The following PIK3C3 variants were observed in gnomAD, a reference collection of about 807,000 sequenced individuals.
PIK3C3 encodes the protein phosphatidylinositol 3-kinase catalytic subunit type 3, also known as PI3-kinase type 3.
In PIK3C3, 95 loss-of-function variants were observed where a neutral mutation model predicts 126.1. The observed-to-expected ratio is 0.75, with a 90% CI of 0.64 to 0.89. The LOEUF (loss-of-function observed/expected upper bound fraction) is 0.89, where lower values mean the gene tolerates loss of function less well. Among genes scored for constraint, PIK3C3 ranks in the 40% least tolerant of loss-of-function variants. The pLI is 0.00. For synonymous variants in PIK3C3, 374 were observed against 360.0 expected, an observed-to-expected ratio of 1.04 and a Z score of -0.44; for missense variants, 829 against 1,063.2, an observed-to-expected ratio of 0.78 and a Z score of 3.06.
intron 1 of PIK3C3, among the ~76,000 whole-genome samples, chr18:41,956,618 GCTT>G (rs1248548866): frequency 8.2e-6 from 1 of 121,590 alleles, no homozygotes; most frequent in African/African-American, 3.3e-5. Context: ...ATGACGTTCT[GCTT>G]CTTTTGCTTC....
intron 12 of PIK3C3, among the ~76,000 whole-genome samples, chr18:42,019,783 T>A (rs1423686159): frequency 6.6e-6 from 1 of 152,166 alleles, no homozygotes; most frequent in Admixed American, 6.6e-5. Flanking sequence ...ACAGGCATTT[T>A]GAACTTAATA....
At chr18:41,974,191 T>G (rs1980804177) in intron 4 of PIK3C3, among the ~76,000 whole-genome samples, 1 of 152,062 alleles carries the variant, frequency 6.6e-6, no homozygotes, top group African/African-American at 2.4e-5. Flanking sequence ...GAAAAGACGG[T>G]GTTAGATAAT....
chr18:42,052,360 G>C (rs1984844220), intron 21 of PIK3C3, among the ~76,000 whole-genome samples: 2 of 152,096 alleles, frequency 1.3e-5, no homozygotes, highest in South Asian at 4.1e-4. Context: ...TCAAAACCAA[G>C]ATTTTACCCT....
At chr18:41,988,450 G>A (rs1004993017) in intron 5 of PIK3C3, among the ~76,000 whole-genome samples, 13 of 152,080 alleles carry the variant, frequency 8.5e-5, no homozygotes, top group African/African-American at 3.1e-4. Flanking sequence ...AACAAGAATA[G>A]TTTACTTTTT....
intron 4 of PIK3C3, among the ~76,000 whole-genome samples, chr18:41,973,074 T>G (rs971891081): frequency 6.6e-6 from 1 of 152,114 alleles, no homozygotes; most frequent in Non-Finnish European, 1.5e-5. Context: ...CATGTAGCTC[T>G]TTAATTGATT....
In PIK3C3 at chr18:42,062,756, G is replaced by A. The variant is rs143383925; in HGVS notation, c.2433-1984G>A. ...GACATCTCTACTAAAAATCTAGTAG[G>A]CACCTCAGACTCCACATGTCTAAAA... On this transcript the variant is annotated intron_variant, in intron 22 of 24. Transcript: ENST00000262039. Among the ~76,000 whole-genome samples, 17 of 151,956 alleles carry A rather than the reference G, an allele frequency of 1.1e-4. No individual in the cohort carries two copies. The East Asian group carries it at 3.3e-3, about 29-fold the overall frequency.
intron 18 of PIK3C3, among the ~76,000 whole-genome samples, chr18:42,040,461 A>C (rs1210553284): frequency 6.6e-6 from 1 of 152,140 alleles, no homozygotes; most frequent in Non-Finnish European, 1.5e-5. Context: ...AGAGAAACAT[A>C]CAGACTAAAT....
intron 21 of PIK3C3, among the ~76,000 whole-genome samples, chr18:42,053,505 C>T (rs1197029608): frequency 1.3e-5 from 2 of 152,112 alleles, no homozygotes; most frequent in African/African-American, 4.8e-5. Context: ...CTTATTAGTG[C>T]ATTACTATTG....
intron 8 of PIK3C3, 107 bp from the exon 9 acceptor site, chr18:41,996,530 TA>T (rs1157208080): frequency 2.0e-6 from 1 of 491,692 alleles, no homozygotes; most frequent in African/African-American, 2.0e-5. Context: ...GCTTGTGTAA[TA>T]ATTGTAGTAT....
At chr18:41,961,239 T>G (rs1049584863) in intron 2 of PIK3C3, among the ~76,000 whole-genome samples, 3 of 152,204 alleles carry the variant, frequency 2.0e-5, no homozygotes, top group African/African-American at 7.2e-5. Context: ...AAACATTATT[T>G]TGGATGTTAT....
At chr18:41,996,392 T>G (rs1568127715) in intron 8 of PIK3C3, among the ~76,000 whole-genome samples, 2 of 152,320 alleles carry the variant, frequency 1.3e-5, no homozygotes, top group South Asian at 2.1e-4. Context: ...TTGAATTAAA[T>G]GAACTCTCCA....
intron 10 of PIK3C3, among the ~76,000 whole-genome samples, chr18:42,012,077 G>T (rs1982851005): frequency 6.6e-6 from 1 of 152,002 alleles, no homozygotes; most frequent in South Asian, 2.1e-4. Flanking sequence ...GAAATATTAT[G>T]TGAATAACTA....
chr18:42,018,845 C>A (rs1039448222), intron 12 of PIK3C3, among the ~76,000 whole-genome samples: 6 of 152,244 alleles, frequency 3.9e-5, no homozygotes, highest in Admixed American at 3.9e-4. Flanking sequence ...CCTACTTTCG[C>A]TATGCCTGAA....
At chr18:42,034,320 T>C (rs536907238) in intron 16 of PIK3C3, among the ~76,000 whole-genome samples, 68 of 152,262 alleles carry the variant, frequency 4.5e-4, no homozygotes, top group African/African-American at 1.5e-3. Context: ...TCCCAAAGTG[T>C]TGGGATTACA....
intron 12 of PIK3C3, among the ~76,000 whole-genome samples, chr18:42,017,197 A>T (rs1983115286): frequency 6.6e-6 from 1 of 152,094 alleles, no homozygotes; most frequent in Admixed American, 6.6e-5. Flanking sequence ...GTTAATACAC[A>T]ATCAAGCTGA....
chr18:42,050,227 A>T (rs1425774802), intron 21 of PIK3C3: 2 of 152,294 alleles, frequency 1.3e-5, no homozygotes, highest in East Asian at 3.9e-4. Context: ...GATTGTTAAA[A>T]TGTCCTTTCT....
intron 8 of PIK3C3, 97 bp downstream of exon 8, chr18:41,996,091 C>A: frequency 1.3e-6 from 1 of 764,132 alleles, no homozygotes; most frequent in South Asian, 1.6e-5. Context: ...TTTAGATGCA[C>A]ATTTTCTCCA....
intron 17 of PIK3C3, 134 bp downstream of exon 17, chr18:42,037,954 T>G: frequency 1.3e-6 from 1 of 776,758 alleles, no homozygotes; most frequent in Non-Finnish European, 2.0e-6. Context: ...CAGTCTCCAC[T>G]TGACCTTGAA....
At chr18:41,974,286 A>G (rs973677107) in intron 4 of PIK3C3, among the ~76,000 whole-genome samples, 3 of 152,198 alleles carry the variant, frequency 2.0e-5, no homozygotes, top group Non-Finnish European at 2.9e-5. Context: ...TTCTAATTAC[A>G]GTATGAATAG....
Sources: gnomAD v4.1 joint callset for allele counts (sites outside exome capture counted in the v4.1 genomes callset) on GRCh38, gnomAD v4.1.1 for gene constraint, MANE v1.5 for transcripts, NCBI Gene and HGNC (gene_info 2026-07-23, HGNC 2026-07-21) for gene names.